RAPGEF4: variants seen among roughly 807,000 people sequenced by gnomAD.
The protein encoded by RAPGEF4 is RAP guanine-nucleotide-exchange factor (GEF) 4.
Under a neutral mutation model 147.9 loss-of-function variants are expected in RAPGEF4, and 66 were observed. That is an observed-to-expected ratio of 0.45 (90% confidence interval 0.37 to 0.55). The LOEUF (loss-of-function observed/expected upper bound fraction) is 0.55, where lower values mean the gene tolerates loss of function less well. Among genes scored for constraint, RAPGEF4 ranks in the 20% least tolerant of loss-of-function variants. The probability of loss-of-function intolerance (pLI) is 0.00; values close to 1 mark genes in which losing one functional copy is unlikely to be tolerated. For synonymous variants in RAPGEF4, 419 were observed against 442.7 expected (o/e 0.95, Z 0.67); for missense variants, 1,071 against 1,257.3 (o/e 0.85, Z 2.24).
At chr2:172,832,835 T>C (rs934992027) in intron 4 of RAPGEF4, among the ~76,000 whole-genome samples, 2 of 152,244 alleles carry the variant, frequency 1.3e-5, no homozygotes, top group African/African-American at 4.8e-5. Flanking sequence ...TTAATGTCAT[T>C]ATTTTCAGAC....
chr2:172,923,084 G>A (rs545950721), intron 6 of RAPGEF4, among the ~76,000 whole-genome samples: 1 of 152,208 alleles, frequency 6.6e-6, no homozygotes, highest in South Asian at 2.1e-4. Context: ...CTCTGCTTTC[G>A]GTCCCATGTC....
At chr2:172,894,375 G>T (rs182720199) in intron 4 of RAPGEF4, 65 of 152,286 alleles carry the variant, frequency 4.3e-4, no homozygotes, top group African/African-American at 1.2e-3. Context: ...TTCCCTTTGC[G>T]CTATGCAAGA....
chr2:172,759,600 A>G (rs1696103183), intron 1 of RAPGEF4, among the ~76,000 whole-genome samples: 1 of 152,232 alleles, frequency 6.6e-6, no homozygotes, highest in Non-Finnish European at 1.5e-5. Context: ...AGAGTTGTCA[A>G]GTGATTACCA....
At chr2:173,048,259 C>T in intron 29 of RAPGEF4, 1 of 223,664 alleles carries the variant, frequency 4.5e-6, no homozygotes, top group South Asian at 9.0e-5. Flanking sequence ...GTTACAGATT[C>T]TCTTACAAAT....
At chr2:172,925,757 GAGAAAGGAAGA>G (rs1685227542) in intron 6 of RAPGEF4, among the ~76,000 whole-genome samples, 1 of 124,594 alleles carries the variant, frequency 8.0e-6, no homozygotes, top group Non-Finnish European at 1.7e-5. Flanking sequence ...GAGAGAAAGA[GAGAAAGGAAGA>G]AAGAAAGAAA....
chr2:173,033,719 A>T lies in RAPGEF4; in HGVS notation c.2650-195A>T, dbSNP rs550940184. Among the ~76,000 whole-genome samples the T allele has an allele frequency of 1.7e-3, 263 of 152,340 alleles. 1 individual carries two copies. Among genetic ancestry groups the T allele is most frequent in the Middle Eastern group, 6.8e-3 (2 of 294 alleles). The stretch of plus-strand genomic sequence containing the variant: ...GTTACTTTTGGTTCAGTTAGGTTAA[A>T]GACGTTTAAAAGGCAAGTTCTCTAT... On this transcript the variant is annotated intron_variant, in intron 26 of 30. Coordinates refer to ENST00000397081, the MANE Select transcript of RAPGEF4 (RefSeq NM_007023.4).
intron 4 of RAPGEF4, among the ~76,000 whole-genome samples, chr2:172,833,257 TG>T (rs1201988311): frequency 2.0e-5 from 2 of 101,864 alleles, no homozygotes; most frequent in African/African-American, 3.5e-5. Context: ...TACAGAGGTT[TG>T]GGTTTTTTTT....
At chr2:173,039,450 G>C (rs563863555) in intron 29 of RAPGEF4, among the ~76,000 whole-genome samples, 6 of 150,960 alleles carry the variant, frequency 4.0e-5, no homozygotes, top group Admixed American at 4.0e-4. Flanking sequence ...GGGAGACAGC[G>C]AGACTCTGTC....
chr2:172,798,583 T>A (rs565934369), intron 3 of RAPGEF4, among the ~76,000 whole-genome samples: 46 of 152,252 alleles, frequency 3.0e-4, no homozygotes, highest in African/African-American at 1.0e-3. Context: ...ATTAAAGAAT[T>A]ATTTAAAGGG....
intron 4 of RAPGEF4, among the ~76,000 whole-genome samples, chr2:172,906,975 A>T (rs550265683): frequency 6.6e-6 from 1 of 152,328 alleles, no homozygotes; most frequent in Non-Finnish European, 1.5e-5. Flanking sequence ...CTTCGTGCAC[A>T]TTATAAAAAG....
Position 172,944,657 on chromosome 2 carries a change from A to T in RAPGEF4, c.538-16103A>T, listed in dbSNP as rs577635958. 2.0e-5 allele frequency among the ~76,000 whole-genome samples: 3 copies of T among 152,302 alleles called. No individual in the cohort carries two copies. In the South Asian group the frequency reaches 6.2e-4, roughly 32 times the overall value. On this transcript the variant is annotated intron_variant, in intron 6 of 30. Transcript: ENST00000397081. Reference sequence around the variant, plus strand: ...AGAGTGATTAACCCCAGTCTGACTGAAAGCTTTAATCAAGGGGCTGTTGTA... The same window carrying T: ...AGAGTGATTAACCCCAGTCTGACTGTAAGCTTTAATCAAGGGGCTGTTGTA...
chr2:172,973,757 A>C (rs936389815), intron 10 of RAPGEF4, among the ~76,000 whole-genome samples: 1 of 152,202 alleles, frequency 6.6e-6, no homozygotes, highest in African/African-American at 2.4e-5. Context: ...CAGAGAATAG[A>C]CTGGAGGGGC....
intron 17 of RAPGEF4, among the ~76,000 whole-genome samples, chr2:173,009,231 A>T (rs1449981877): frequency 1.3e-5 from 2 of 152,244 alleles, no homozygotes; most frequent in East Asian, 1.9e-4. Context: ...ATTCCGGGTA[A>T]CTTAATTAAA....
At chr2:172,804,750 G>C (rs1017372116) in intron 3 of RAPGEF4, among the ~76,000 whole-genome samples, 1 of 152,058 alleles carries the variant, frequency 6.6e-6, no homozygotes, top group African/African-American at 2.4e-5. Flanking sequence ...ATCCTTTTTT[G>C]CCCCTGGATT....
rs530127225 is a variant in RAPGEF4, at chr2:172,943,621, C to A, written c.538-17139C>A. Among the ~76,000 whole-genome samples the A allele has an allele frequency of 3.3e-5, 5 of 152,326 alleles. No individual in the cohort carries two copies. In the South Asian group the frequency reaches 8.3e-4, roughly 25 times the overall value. On this transcript the variant is annotated intron_variant, in intron 6 of 30. Coordinates refer to ENST00000397081, the MANE Select transcript of RAPGEF4 (RefSeq NM_007023.4). ...TTCAGAACATACTTCAAATCTTGGG[C>A]ATCCCTGCCTCTGGATTCCTGTGCT...
chr2:172,988,372 A>C, intron 13 of RAPGEF4, 100 bp downstream of exon 13: 1 of 1,486,118 alleles, frequency 6.7e-7, no homozygotes, highest in Non-Finnish European at 8.9e-7. Flanking sequence ...TTGCAACAAC[A>C]TTGCTCCTAG....
chr2:172,978,080 G>C (rs774317685), intron 10 of RAPGEF4, among the ~76,000 whole-genome samples: 1 of 152,144 alleles, frequency 6.6e-6, no homozygotes, highest in Non-Finnish European at 1.5e-5. Flanking sequence ...GGACCTCTCT[G>C]AGGCATCCAG....
intron 14 of RAPGEF4, 94 bp downstream of exon 14, chr2:172,988,933 T>G (rs529953746): frequency 2.7e-5 from 37 of 1,363,038 alleles, no homozygotes; most frequent in Non-Finnish European, 3.5e-5. Flanking sequence ...TGAGTAGTCC[T>G]GTGATGAATG....
In RAPGEF4 at chr2:173,030,176, T is replaced by C. The variant is rs1697051369; in HGVS notation, c.2571T>C (p.Tyr857=). The change falls in exon 26 of 31, where the codon TAT becomes TAC. Residue 857 remains tyrosine (Y), a synonymous_variant. Coordinates refer to ENST00000397081, the MANE Select transcript of RAPGEF4 (RefSeq NM_007023.4). ...TCCTGTGTTTCAGCTGTAAGGAGTA[T>C]AAAAATCTGAATTCCTTTTTTGCCA... ...FIKIAAHCKE[Y]KNLNSFFAIV... 2 of 1,611,908 alleles carry C rather than the reference T, an allele frequency of 1.2e-6. No individual in the cohort carries two copies. The highest frequency in any genetic ancestry group is 3.3e-5 in the Admixed American group (2 of 60,020).
Sources: gnomAD v4.1 joint callset for allele counts (sites outside exome capture counted in the v4.1 genomes callset) on GRCh38, gnomAD v4.1.1 for gene constraint, MANE v1.5 for transcripts, NCBI Gene and HGNC (gene_info 2026-07-23, HGNC 2026-07-21) for gene names.